Variants in ZEB1 observed in about 807,000 individuals in gnomAD.
ZEB1 encodes zinc finger E-box-binding homeobox 1.
A neutral mutation model predicts 84.9 loss-of-function variants in ZEB1; 21 were observed. That is an observed-to-expected ratio of 0.25 (90% CI 0.18 to 0.36). The LOEUF (loss-of-function observed/expected upper bound fraction) is 0.36. Ranked by LOEUF, ZEB1 falls within the 10% of genes least tolerant of loss-of-function variation. ZEB1 has a pLI of 1.00. For missense variants in ZEB1, 1,104 were observed against 1,330.2 expected (o/e 0.83, Z 2.65); for synonymous variants, 420 against 471.1 (o/e 0.89, Z 1.41).
intron 2 of ZEB1, among the ~76,000 whole-genome samples, chr10:31,469,675 A>G (rs896170678): frequency 2.0e-5 from 3 of 152,214 alleles, no homozygotes; most frequent in Admixed American, 6.5e-5. Context: ...TAGGTAAACA[A>G]AGCAGCCCAG....
intron 1 of ZEB1, among the ~76,000 whole-genome samples, chr10:31,407,397 C>G (rs1430051727): frequency 6.6e-6 from 1 of 151,948 alleles, no homozygotes; most frequent in Non-Finnish European, 1.5e-5. Context: ...TTTCCAATTT[C>G]ATCCATGTCC....
At chr10:31,442,839 A>G (rs536512851) in intron 1 of ZEB1, among the ~76,000 whole-genome samples, 8 of 152,348 alleles carry the variant, frequency 5.3e-5, no homozygotes, top group Non-Finnish European at 1.0e-4. Context: ...GATAATTGTC[A>G]TTGCATTTAG....
chr10:31,407,772 C>G (rs1056610412), intron 1 of ZEB1, among the ~76,000 whole-genome samples: 2 of 151,336 alleles, frequency 1.3e-5, no homozygotes, highest in African/African-American at 4.9e-5. Context: ...CTATGACAAA[C>G]CCACAGCCAA....
intron 1 of ZEB1, among the ~76,000 whole-genome samples, chr10:31,429,920 T>C (rs1318177199): frequency 5.3e-5 from 8 of 151,878 alleles, no homozygotes; most frequent in African/African-American, 1.7e-4. Flanking sequence ...TTTGTATTTC[T>C]AGCAGAGACA....
At chr10:31,424,454 C>G (rs370485092) in intron 1 of ZEB1, among the ~76,000 whole-genome samples, 2 of 151,956 alleles carry the variant, frequency 1.3e-5, no homozygotes, top group African/African-American at 2.4e-5. Context: ...ATAGTGCATA[C>G]TTGACATAGT....
rs965868646 is a variant in ZEB1 at position 31,524,007 on chromosome 10, C to G, written c.2679C>G (p.Pro893=). The change falls in exon 8 of 9, where the codon CCC becomes CCG. Residue 893 remains proline, a synonymous_variant. Coordinates refer to ENST00000424869, the MANE Select transcript of ZEB1 (RefSeq NM_001174096.2). ...EDQNDSDSTP[P]KKKMRKTENG... Reference sequence around the variant, plus strand: ...AGAATGACTCTGATTCTACACCGCCCAAAAAGAAAATGCGGAAGACAGAAA... The same window carrying G: ...AGAATGACTCTGATTCTACACCGCCGAAAAAGAAAATGCGGAAGACAGAAA... 6.2e-7 allele frequency: 1 copy of G among 1,613,776 alleles called. No individual in the cohort carries two copies. The highest frequency in any genetic ancestry group is 1.3e-5 in the African/African-American group (1 of 74,938).
intron 1 of ZEB1, among the ~76,000 whole-genome samples, chr10:31,324,561 C>T (rs1246303637): frequency 6.6e-6 from 1 of 151,942 alleles, no homozygotes; most frequent in Non-Finnish European, 1.5e-5. Flanking sequence ...AGAAGATATG[C>T]ATTAGTGTGC....
chr10:31,449,185 T>C (rs981354638), intron 1 of ZEB1, among the ~76,000 whole-genome samples: 9 of 152,212 alleles, frequency 5.9e-5, no homozygotes, highest in Admixed American at 2.0e-4. Flanking sequence ...TCCAGGTGCG[T>C]CTGTCACCCC....
Position 31,520,592 on chromosome 10 carries a change from G to T in ZEB1, c.1260G>T (p.Ala420=), listed in dbSNP as rs35238902. The T allele has an allele frequency of 1.2e-6, 2 of 1,613,882 alleles. No individual in the cohort carries two copies. Among genetic ancestry groups the T allele is most frequent in the African/African-American group, 2.7e-5 (2 of 74,982 alleles). ...ATATTCAGAATGTACTTAAAGTGGC[G>T]GTAGATGGTAATGTAATAAGGCAAG... ...LSDIQNVLKV[A]VDGNVIRQVL... The change falls in exon 7 of 9, where the codon GCG becomes GCT. Residue 420 remains alanine, a synonymous_variant. Coordinates refer to ENST00000424869, the MANE Select transcript of ZEB1 (RefSeq NM_001174096.2). This position sits in a 1 kb window ranked among gnomAD's most constrained non-coding sequence, Gnocchi z 5.1.
chr10:31,518,584 A>G (rs1220409116), intron 6 of ZEB1, among the ~76,000 whole-genome samples: 1 of 152,270 alleles, frequency 6.6e-6, no homozygotes, highest in African/African-American at 2.4e-5. Context: ...TATGACCCCT[A>G]TAACAGTCCA....
intron 1 of ZEB1, among the ~76,000 whole-genome samples, chr10:31,336,148 A>G (rs1411594032): frequency 2.6e-5 from 4 of 152,166 alleles, no homozygotes; most frequent in Admixed American, 2.6e-4. Flanking sequence ...TTTTATCTGT[A>G]AGTTCTGTGC....
intron 2 of ZEB1, among the ~76,000 whole-genome samples, chr10:31,484,356 A>C (rs566134031): frequency 1.3e-5 from 2 of 152,110 alleles, no homozygotes; most frequent in African/African-American, 4.8e-5. Flanking sequence ...TAATATTAAT[A>C]ATCATAACTA....
intron 1 of ZEB1, chr10:31,362,652 C>T (rs531490615): frequency 3.1e-4 from 122 of 389,524 alleles, no homozygotes; most frequent in African/African-American, 2.4e-3. Context: ...GTGCGGTGGC[C>T]GGGCACAGGC....
At chr10:31,433,940 T>A (rs2058014004) in intron 1 of ZEB1, among the ~76,000 whole-genome samples, 1 of 152,124 alleles carries the variant, frequency 6.6e-6, no homozygotes, top group Non-Finnish European at 1.5e-5. Flanking sequence ...GAAAAGACAA[T>A]AATGGAGGAA....
At chr10:31,373,284 C>A in intron 1 of ZEB1, 1 of 945,362 alleles carries the variant, frequency 1.1e-6, no homozygotes, top group Admixed American at 6.2e-5. Flanking sequence ...GACATAATGA[C>A]AAGTGTTTGA....
intron 1 of ZEB1, among the ~76,000 whole-genome samples, chr10:31,434,475 T>C (rs2058068398): frequency 6.6e-6 from 1 of 152,220 alleles, no homozygotes; most frequent in African/African-American, 2.4e-5. Flanking sequence ...ATTCATTAAA[T>C]AAACATATAT....
intron 1 of ZEB1, among the ~76,000 whole-genome samples, chr10:31,430,214 G>A (rs1158595746): frequency 2.0e-5 from 3 of 152,118 alleles, no homozygotes; most frequent in Non-Finnish European, 2.9e-5. Context: ...TACTAGTTAA[G>A]GTATAGACTG....
upstream of ZEB1, chr10:31,319,145 A>AGGGGGGAG (rs1323816726): frequency 1.9e-4 from 57 of 296,386 alleles, no homozygotes; most frequent in Middle Eastern, 2.0e-3. Context: ...TGCGGTGGGG[A>AGGGGGGAG]GGGGGGAGGG....
chr10:31,318,949 G>C (rs775976374), upstream of ZEB1: 12 of 494,848 alleles, frequency 2.4e-5, no homozygotes, highest in Non-Finnish European at 3.7e-5. Context: ...ACGGTTTCCC[G>C]GCATCCGCCT....
Sources: allele counts gnomAD v4.1 joint callset (sites outside exome capture counted in the v4.1 genomes callset), GRCh38; gene constraint gnomAD v4.1.1; non-coding constraint Gnocchi (gnomAD v3.1); transcripts MANE v1.5; gene names NCBI Gene and HGNC (gene_info 2026-07-23, HGNC 2026-07-21).